Variants in NEK3 observed in about 807,000 individuals in gnomAD.
NEK3 encodes the protein serine/threonine-protein kinase Nek3.
A neutral mutation model predicts 66.0 loss-of-function variants in NEK3; 54 were observed. That is an observed-to-expected ratio of 0.82 (90% CI 0.66 to 1.03). The LOEUF is 1.03. NEK3 is among the 50% of genes least tolerant of loss of function. The pLI, the probability that NEK3 is intolerant of heterozygous loss-of-function variation, is 0.00. For synonymous variants in NEK3, 200 were observed against 206.2 expected (o/e 0.97, Z 0.26); for missense variants, 593 against 603.0 (o/e 0.98, Z 0.17).
intron 13 of NEK3, 63 bp downstream of exon 13, chr13:52,136,053 G>A: frequency 6.3e-7 from 1 of 1,583,794 alleles, no homozygotes; most frequent in Non-Finnish European, 8.6e-7. Flanking sequence ...GGCTCTAAGT[G>A]CACTAAGTAA....
chr13:52,158,104 C>A (rs1956410241), intron 1 of NEK3, among the ~76,000 whole-genome samples: 1 of 152,260 alleles, frequency 6.6e-6, no homozygotes, highest in Middle Eastern at 3.4e-3. Flanking sequence ...CTCGAACTCC[C>A]GACCTCAGAT....
rs777492498 is a variant in NEK3, at chr13:52,148,440, T to C, written c.578A>G (p.Tyr193Cys). The C allele has an allele frequency of 3.1e-6, 5 of 1,613,594 alleles. No homozygotes were observed. Among genetic ancestry groups the C allele is most frequent in the East Asian group, 2.2e-5 (1 of 44,872 alleles). The stretch of plus-strand genomic sequence containing the variant: ...TGGATGCTTAAGGGTACAGAGTTCA[T>C]ACAGGATGCAACCCAAGGACCAGAT... ...SDIWSLGCIL[Y>C]ELCTLKHPFQ... The change falls in exon 8 of 16, where the codon TAT becomes TGT. Residue 193 changes from tyrosine (Y) to cysteine (C), a missense_variant. By Grantham distance (194) the Tyr-to-Cys change is radical. Coordinates refer to ENST00000610828, the MANE Select transcript of NEK3 (RefSeq NM_002498.3).
At chr13:52,154,852 G>A (rs897611478) in intron 2 of NEK3, among the ~76,000 whole-genome samples, 1 of 149,434 alleles carries the variant, frequency 6.7e-6, no homozygotes, top group East Asian at 2.1e-4. Context: ...CAGCCACTGG[G>A]GAGGGTGAGG....
At chr13:52,157,135 G>C (rs1956402349) in intron 1 of NEK3, 1 of 152,206 alleles carries the variant, frequency 6.6e-6, no homozygotes, top group Non-Finnish European at 1.5e-5. Context: ...GTAACAAGCT[G>C]CTGAAGCATT....
At chr13:52,152,735 T>C in intron 4 of NEK3, 43 bp from the exon 5 acceptor site, 1 of 1,273,596 alleles carries the variant, frequency 7.9e-7, no homozygotes, top group Middle Eastern at 1.9e-4. Context: ...ATGCAGTAAC[T>C]GGCTCATGTT....
intron 1 of NEK3, among the ~76,000 whole-genome samples, chr13:52,158,949 T>C (rs77817449): frequency 1.3e-5 from 2 of 152,268 alleles, no homozygotes; most frequent in East Asian, 3.9e-4. Context: ...GGATTTCGTG[T>C]AAACTTCAAG....
At chr13:52,147,396 G>C (rs1414316625) in intron 8 of NEK3, among the ~76,000 whole-genome samples, 1 of 152,082 alleles carries the variant, frequency 6.6e-6, no homozygotes, top group Non-Finnish European at 1.5e-5. Flanking sequence ...ACAGATGAAT[G>C]GATAAACATG....
At chr13:52,145,337 G>T (rs575283370) in intron 8 of NEK3, among the ~76,000 whole-genome samples, 2 of 152,206 alleles carry the variant, frequency 1.3e-5, no homozygotes, top group South Asian at 4.1e-4. Flanking sequence ...GTTTTCTACA[G>T]GTGGTTTTTT....
chr13:52,148,690 T>C (rs981979531), intron 7 of NEK3, among the ~76,000 whole-genome samples: 2 of 152,180 alleles, frequency 1.3e-5, no homozygotes, highest in Non-Finnish European at 2.9e-5. Context: ...AGTTGAGATA[T>C]CACTTCAGTA....
At chr13:52,145,332 C>T (rs555321419) in intron 8 of NEK3, among the ~76,000 whole-genome samples, 5 of 152,290 alleles carry the variant, frequency 3.3e-5, no homozygotes, top group African/African-American at 1.2e-4. Flanking sequence ...ACCCAGTTTT[C>T]TACAGGTGGT....
upstream of NEK3, chr13:52,159,717 C>T (rs901843025): frequency 6.6e-6 from 1 of 152,230 alleles, no homozygotes; most frequent in Non-Finnish European, 1.5e-5. Flanking sequence ...AGCTGTTGTT[C>T]CACGTTGCGG....
At chr13:52,157,429 G>C (rs1566864402) in intron 1 of NEK3, 1 of 152,306 alleles carries the variant, frequency 6.6e-6, no homozygotes, top group Non-Finnish European at 1.5e-5. Flanking sequence ...TGACTCCCAA[G>C]TTTCTGGCAT....
intron 8 of NEK3, among the ~76,000 whole-genome samples, chr13:52,147,666 A>G (rs903736407): frequency 6.6e-6 from 1 of 152,172 alleles, no homozygotes; most frequent in Non-Finnish European, 1.5e-5. Context: ...GGTGATGACA[A>G]AAGTTTTACA....
chr13:52,136,326 T>TA (rs1956206000), intron 12 of NEK3, 67 bp from the exon 13 acceptor site: 5 of 1,468,686 alleles, frequency 3.4e-6, no homozygotes, highest in Middle Eastern at 1.8e-4. Context: ...TGTCCACACA[T>TA]AGACTCTAAC....
chr13:52,146,237 T>A (rs1956294897), intron 8 of NEK3, among the ~76,000 whole-genome samples: 1 of 152,206 alleles, frequency 6.6e-6, no homozygotes, highest in South Asian at 2.1e-4. Flanking sequence ...AAAACTGTTT[T>A]AAAATTTAAA....
chr13:52,154,297 CTTAAGT>C (rs1324866044), intron 2 of NEK3, 124 bp from the exon 3 acceptor site: 8 of 567,414 alleles, frequency 1.4e-5, no homozygotes, highest in Non-Finnish European at 2.1e-5. Flanking sequence ...TGTGGCTCAA[CTTAAGT>C]TTGTCAAATG....
At chr13:52,143,316 C>CA (rs57670678) in intron 10 of NEK3, among the ~76,000 whole-genome samples, 71,231 of 144,040 alleles carry the variant, frequency 0.49, 20,024 homozygotes, top group Middle Eastern at 0.66. Context: ...AGCTCCATTT[C>CA]AAAAAAAAAA....
intron 5 of NEK3, among the ~76,000 whole-genome samples, chr13:52,151,691 C>T (rs764633111): frequency 4.6e-5 from 7 of 152,166 alleles, no homozygotes; most frequent in African/African-American, 1.4e-4. Flanking sequence ...AGGTGTCAAC[C>T]GTTTTCCATC....
chr13:52,146,958 T>C lies in NEK3; in HGVS notation c.603+1457A>G, dbSNP rs183210426. Among the ~76,000 whole-genome samples the C allele has an allele frequency of 2.4e-4, 36 of 152,346 alleles. No individual in the cohort carries two copies. In the East Asian group the frequency reaches 6.0e-3, roughly 25 times the overall value. On this transcript the variant is annotated intron_variant, in intron 8 of 15. Transcript: ENST00000610828. ...TTCAGCCTGTGCCCAAAGAACAGAA[T>C]TTATTTCTATGCAAAGCTAAGAACT... is the stretch of plus-strand genomic sequence containing the variant.
Sources: allele counts gnomAD v4.1 joint callset (sites outside exome capture counted in the v4.1 genomes callset), GRCh38; gene constraint gnomAD v4.1.1; transcripts MANE v1.5; gene names NCBI Gene and HGNC (gene_info 2026-07-23, HGNC 2026-07-21).